The following TNNI3K variants were observed in gnomAD, a reference collection of about 807,000 sequenced individuals.
The protein encoded by TNNI3K is TNNI3 interacting kinase.
In TNNI3K, 140 loss-of-function variants were observed where a neutral mutation model predicts 114.5. The ratio of observed to expected loss-of-function variants is 1.22; its 90% CI spans 1.07 to 1.41. The LOEUF is 1.41. Ranked by LOEUF, TNNI3K falls within the 40% of genes most tolerant of loss-of-function variation. TNNI3K has a pLI of 0.00. For synonymous variants in TNNI3K, 347 were observed against 347.5 expected, an observed-to-expected ratio of 1.00 and a Z score of 0.02; for missense variants, 1,125 against 1,007.6, an observed-to-expected ratio of 1.12 and a Z score of -1.58.
intron 17 of TNNI3K, among the ~76,000 whole-genome samples, chr1:74,414,646 C>T (rs960655691): frequency 6.6e-5 from 10 of 152,188 alleles, no homozygotes; most frequent in Non-Finnish European, 1.3e-4. Context: ...TATATCTGTT[C>T]TGTCATCATT....
intron 23 of TNNI3K, among the ~76,000 whole-genome samples, chr1:74,500,331 A>C (rs930712581): frequency 1.3e-5 from 2 of 152,076 alleles, no homozygotes; most frequent in East Asian, 3.9e-4. Flanking sequence ...CTTTTCCATA[A>C]ATGCACCTTT....
intron 5 of TNNI3K, among the ~76,000 whole-genome samples, chr1:74,305,913 G>A (rs1658606244): frequency 6.6e-6 from 1 of 152,154 alleles, no homozygotes; most frequent in South Asian, 2.1e-4. Context: ...GGGCACATGT[G>A]CAGGTTACAT....
rs78154008 is a variant in TNNI3K at position 74,439,670 on chromosome 1, G to A, written c.2011+48G>A. 2.1e-4 allele frequency: 327 copies of A among 1,594,924 alleles called. 2 individuals carry two copies. In the East Asian group the frequency reaches 7.2e-3, roughly 35 times the overall value. ...TTTTCCTGTTTTACAGAGTTCACTG[G>A]ATTTTTATAACTTCAAGAAAATTTT... On this transcript the variant is annotated intron_variant, in intron 20 of 24. Coordinates refer to ENST00000326637, the MANE Select transcript of TNNI3K (RefSeq NM_015978.3).
At chr1:74,421,243 A>C (rs1414760260) in intron 17 of TNNI3K, among the ~76,000 whole-genome samples, 1 of 152,172 alleles carries the variant, frequency 6.6e-6, no homozygotes, top group Non-Finnish European at 1.5e-5. Flanking sequence ...ATCAAAATCA[A>C]AACCTTACTG....
chr1:74,458,291 T>A (rs1002037987), intron 20 of TNNI3K, among the ~76,000 whole-genome samples: 22 of 152,336 alleles, frequency 1.4e-4, no homozygotes, highest in African/African-American at 4.6e-4. Flanking sequence ...GATTATACTC[T>A]GTCTTCCCTG....
At chr1:74,436,629 C>A (rs1666142945) in intron 19 of TNNI3K, 103 bp downstream of exon 19, 1 of 1,238,736 alleles carries the variant, frequency 8.1e-7, no homozygotes, top group South Asian at 1.5e-5. Flanking sequence ...GAAGAAATGT[C>A]ATTGTCTCAG....
At chr1:74,316,512 A>T (rs1241611980) in intron 5 of TNNI3K, among the ~76,000 whole-genome samples, 1 of 151,856 alleles carries the variant, frequency 6.6e-6, no homozygotes, top group Non-Finnish European at 1.5e-5. Flanking sequence ...GGGACCTTTG[A>T]CCTGCTTTTC....
At chr1:74,247,725 C>T (rs535542384) in intron 2 of TNNI3K, among the ~76,000 whole-genome samples, 2 of 152,214 alleles carry the variant, frequency 1.3e-5, no homozygotes, top group African/African-American at 4.8e-5. Context: ...CTGATTGGTG[C>T]ATCCACAAAC....
At chr1:74,255,341 G>A (rs57131519) in intron 4 of TNNI3K, among the ~76,000 whole-genome samples, 1,974 of 130,608 alleles carry the variant, frequency 0.015, 55 homozygotes, top group African/African-American at 0.054. Context: ...GCGACAGAGC[G>A]AGACTCCGTC....
At chr1:74,438,235 A>G (rs1439093570) in intron 19 of TNNI3K, among the ~76,000 whole-genome samples, 2 of 151,890 alleles carry the variant, frequency 1.3e-5, no homozygotes, top group African/African-American at 4.8e-5. Context: ...CACATATACA[A>G]TGTTGTGACA....
intron 23 of TNNI3K, among the ~76,000 whole-genome samples, chr1:74,532,646 C>A (rs1263475634): frequency 4.7e-5 from 7 of 150,338 alleles, no homozygotes. Flanking sequence ...CCACAGCAGT[C>A]CCCAGAGTGT....
At chr1:74,448,260 T>TAAAAAAAAAAAAA (rs71588834) in intron 20 of TNNI3K, among the ~76,000 whole-genome samples, 1 of 89,138 alleles carries the variant, frequency 1.1e-5, no homozygotes, top group African/African-American at 4.1e-5. Flanking sequence ...TAGAGTATAA[T>TAAAAAAAAAAAAA]AAAAAAAAAA....
intron 17 of TNNI3K, among the ~76,000 whole-genome samples, chr1:74,382,772 G>A (rs542434990): frequency 6.6e-6 from 1 of 152,318 alleles, no homozygotes; most frequent in South Asian, 2.1e-4. Context: ...TTAGTGAAAA[G>A]CATGCCTGGT....
chr1:74,372,092 G>GAAAAAAAAAAAAAAAAAAAA (rs61241236), intron 17 of TNNI3K: 1 of 135,264 alleles, frequency 7.4e-6, no homozygotes, highest in African/African-American at 2.9e-5. Flanking sequence ...TAGTTTTTAA[G>GAAAAAAAAAAAAAAAAAAAA]AAAAAAAAAA....
Position 74,367,965 on chromosome 1 carries a change from G to T in TNNI3K, c.1321+1G>T. On this transcript the variant is annotated splice_donor_variant, in intron 13 of 24. Coordinates refer to ENST00000326637, the MANE Select transcript of TNNI3K (RefSeq NM_015978.3). LOFTEE classifies it high-confidence loss of function. ...GGGAAGATTAAAAGCATGACAAAAG[G>T]TACCTATAATCTGGGACAATTGTTA... The T allele has an allele frequency of 2.6e-6, 4 of 1,558,984 alleles. No homozygotes were observed. Among genetic ancestry groups the T allele is most frequent in the Non-Finnish European group, 3.5e-6 (4 of 1,158,536 alleles).
chr1:74,302,603 C>T (rs913268632), intron 5 of TNNI3K, among the ~76,000 whole-genome samples: 1 of 152,028 alleles, frequency 6.6e-6, no homozygotes, highest in African/African-American at 2.4e-5. Flanking sequence ...ATTGCTGATA[C>T]GGAGGAAGTT....
intron 23 of TNNI3K, among the ~76,000 whole-genome samples, chr1:74,522,666 G>A (rs1646450250): frequency 1.3e-5 from 2 of 151,518 alleles, no homozygotes; most frequent in Non-Finnish European, 2.9e-5. Context: ...GAGAGAGAGA[G>A]AAAGAGAAAG....
chr1:74,330,181 G>C (rs1660122392), intron 5 of TNNI3K, among the ~76,000 whole-genome samples: 1 of 151,968 alleles, frequency 6.6e-6, no homozygotes, highest in Non-Finnish European at 1.5e-5. Context: ...CCCAAAATAG[G>C]CTACTTTGGC....
intron 17 of TNNI3K, among the ~76,000 whole-genome samples, chr1:74,376,430 G>A (rs1662908218): frequency 6.6e-6 from 1 of 151,792 alleles, no homozygotes; most frequent in Non-Finnish European, 1.5e-5. Context: ...TGCATCCATT[G>A]GCAAATATCA....
Sources: allele counts gnomAD v4.1 joint callset (sites outside exome capture counted in the v4.1 genomes callset), GRCh38; gene constraint gnomAD v4.1.1; transcripts MANE v1.5; gene names NCBI Gene and HGNC (gene_info 2026-07-23, HGNC 2026-07-21).